The following STAG3 variants were observed in gnomAD, a reference collection of about 807,000 sequenced individuals.
STAG3 encodes the protein cohesin subunit SA-3.
Under a neutral mutation model 160.7 loss-of-function variants are expected in STAG3, and 101 were observed. The observed-to-expected ratio is 0.63, with a 90% confidence interval of 0.54 to 0.74. The LOEUF (loss-of-function observed/expected upper bound fraction) is 0.74. Among genes scored for constraint, STAG3 ranks in the 30% least tolerant of loss-of-function variants. The probability of loss-of-function intolerance (pLI) is 0.00; values close to 1 mark genes in which losing one functional copy is unlikely to be tolerated. For missense variants in STAG3, 1,188 were observed against 1,517.4 expected (o/e 0.78, Z 3.61); for synonymous variants, 519 against 585.0 (o/e 0.89, Z 1.63).
chr7:100,213,753 T>G lies in STAG3; in HGVS notation c.3619T>G (p.Ser1207Ala). Reference sequence around the variant, plus strand: ...TCTCTAGCAAGCAAGTAGCTACTCTTCCACCAGTGAGCGCGGGCTGGACCT... The same window carrying G: ...TCTCTAGCAAGCAAGTAGCTACTCTGCCACCAGTGAGCGCGGGCTGGACCT... ...DTDMQASSYS[S>A]TSERGLDLLD... Residue 1207 changes from serine to alanine, a missense_variant, in exon 33 of 34, where the codon TCC becomes GCC. Coordinates refer to ENST00000615138, the MANE Select transcript of STAG3 (RefSeq NM_001282717.2). The G allele has an allele frequency of 1.9e-6, 3 of 1,614,236 alleles. No homozygotes were observed. Among genetic ancestry groups the G allele is most frequent in the Non-Finnish European group, 2.5e-6 (3 of 1,180,036 alleles).
downstream of STAG3, among the ~76,000 whole-genome samples, chr7:100,216,584 A>G (rs1802769458): frequency 6.6e-6 from 1 of 152,086 alleles, no homozygotes; most frequent in African/African-American, 2.4e-5. Flanking sequence ...GCAGATCACG[A>G]GGTCAAGAGA....
intron 16 of STAG3, 129 bp downstream of exon 16, chr7:100,199,773 G>A (rs926358012): frequency 9.3e-5 from 70 of 753,944 alleles, no homozygotes; most frequent in Non-Finnish European, 1.4e-4. Flanking sequence ...CCAGAAAAAA[G>A]GGCCAGGCGC....
At chr7:100,213,649 A>G in intron 32 of STAG3, 86 bp from the exon 33 acceptor site, 1 of 1,601,910 alleles carries the variant, frequency 6.2e-7, no homozygotes, top group Non-Finnish European at 8.5e-7. Context: ...TGTTCTTATG[A>G]GGCTGGGAAA....
At chr7:100,218,228 A>C, downstream of STAG3, 1 of 161,126 alleles carries the variant, frequency 6.2e-6, no homozygotes, top group East Asian at 2.1e-4. Context: ...TTCAGCTCCT[A>C]TCTCTGTATG....
rs755877186 is a variant in STAG3, at chr7:100,198,499, C to T, written c.1269C>T (p.Asp423=). The T allele has an allele frequency of 6.2e-5, 100 of 1,614,090 alleles. No homozygotes were observed. The highest frequency in any genetic ancestry group is 2.2e-4 in the East Asian group (10 of 44,902). ...ILKNMEGVLT[D]ADCESVYPVV... ...GGAACATGGAAGGGGTGCTGACGGACGCGGATTGTGAGAGCGTCTACCCAG... is the reference window on the plus strand; with the variant it reads ...GGAACATGGAAGGGGTGCTGACGGATGCGGATTGTGAGAGCGTCTACCCAG... The change falls in exon 13 of 34, where the codon GAC becomes GAT. Residue 423 remains aspartate (D), a synonymous_variant. Coordinates refer to ENST00000615138, the MANE Select transcript of STAG3 (RefSeq NM_001282717.2).
At chr7:100,197,723 C>T (rs1047640877) in intron 10 of STAG3, 55 bp from the exon 11 acceptor site, 27 of 1,412,004 alleles carry the variant, frequency 1.9e-5, no homozygotes, top group African/African-American at 8.5e-5. Context: ...TTAGTAGGGG[C>T]GAGTAGAGTG....
rs1016174535 is a variant in STAG3 at position 100,207,112 on chromosome 7, C to T, written c.3238+1728C>T. Reference sequence around the variant, plus strand: ...ACAATATGCCATCGTGTGGATATGCCACATTCTACTTATCCACTTGTCAGT... The same window carrying T: ...ACAATATGCCATCGTGTGGATATGCTACATTCTACTTATCCACTTGTCAGT... On this transcript the variant is annotated intron_variant, in intron 29 of 33. Transcript: ENST00000615138. This position sits in a 1 kb window ranked among gnomAD's most constrained non-coding sequence, Gnocchi z 4.0. 1.3e-5 allele frequency among the ~76,000 whole-genome samples: 2 copies of T among 152,194 alleles called. No homozygotes were observed. The highest frequency in any genetic ancestry group is 2.9e-5 in the Non-Finnish European group (2 of 68,044).
At chr7:100,203,917 A>C in intron 25 of STAG3, 104 bp from the exon 26 acceptor site, 1 of 727,904 alleles carries the variant, frequency 1.4e-6, no homozygotes, top group Middle Eastern at 2.4e-4. Context: ...CATGTTTCCT[A>C]CCTAAGGGAG....
intron 5 of STAG3, among the ~76,000 whole-genome samples, chr7:100,186,797 G>T (rs940898826): frequency 3.3e-5 from 5 of 152,196 alleles, no homozygotes; most frequent in African/African-American, 9.7e-5. Context: ...TAGGGAAAAA[G>T]AAGTAATCAC....
At chr7:100,182,585 G>C in intron 3 of STAG3, 138 bp from the exon 4 acceptor site, 1 of 870,184 alleles carries the variant, frequency 1.1e-6, no homozygotes, top group Non-Finnish European at 1.8e-6. Context: ...AATTATTTCA[G>C]GACTGAGTCT....
intron 8 of STAG3, among the ~76,000 whole-genome samples, chr7:100,191,275 C>T (rs1357760858): frequency 6.6e-6 from 1 of 152,154 alleles, no homozygotes; most frequent in African/African-American, 2.4e-5. Context: ...CAAAATTAGC[C>T]TCAGTTGAGA....
intron 10 of STAG3, 125 bp downstream of exon 10, chr7:100,197,404 C>T (rs1162629137): frequency 3.2e-5 from 43 of 1,351,182 alleles, no homozygotes; most frequent in East Asian, 4.8e-5. Flanking sequence ...CCCATCAAGG[C>T]GCTGAACCTT....
Position 100,210,940 on chromosome 7 carries a change from G to C in STAG3, c.3239-71G>C. On this transcript the variant is annotated intron_variant, in intron 29 of 33. Coordinates refer to ENST00000615138, the MANE Select transcript of STAG3 (RefSeq NM_001282717.2). ...TTGACTTTCCCTTACTAAATCCTGGGCAGGTCTTGGAAAGAGAGCACACCT... is the reference window on the plus strand; with the variant it reads ...TTGACTTTCCCTTACTAAATCCTGGCCAGGTCTTGGAAAGAGAGCACACCT... 3 of 1,490,098 alleles carry C rather than the reference G, an allele frequency of 2.0e-6. No homozygotes were observed. In the South Asian group the frequency reaches 3.8e-5, roughly 19 times the overall value. 92.3% of individuals were successfully genotyped at this position (1,490,098 alleles called of 1,614,324 possible). A position where few individuals can be genotyped will look rare whatever the true frequency, so the allele number is the denominator to read the frequency against.
At chr7:100,178,495 C>T (rs367926497) in intron 1 of STAG3, among the ~76,000 whole-genome samples, 2 of 150,802 alleles carry the variant, frequency 1.3e-5, no homozygotes, top group African/African-American at 4.9e-5. Flanking sequence ...TGTAAGTTCC[C>T]TTGCAGAGGG....
In STAG3 at chr7:100,180,679, A is replaced by C. The variant is rs775297102; in HGVS notation, c.116+7A>C. ...CAAACCATACCTCAGAGGGGTAAGT[A>C]GATGTTGCATTGTGTGGCCACTTCC... On this transcript the variant is annotated splice_region_variant and intron_variant, in intron 2 of 33. Coordinates refer to ENST00000615138, the MANE Select transcript of STAG3 (RefSeq NM_001282717.2). 1 of 1,545,462 alleles carries C rather than the reference A, an allele frequency of 6.5e-7. No homozygotes were observed. The highest frequency in any genetic ancestry group is 9.0e-7 in the Non-Finnish European group (1 of 1,116,978).
Position 100,203,477 on chromosome 7 carries a change from G to T in STAG3, c.2701-544G>T, listed in dbSNP as rs1285167317. Among the ~76,000 whole-genome samples the T allele has an allele frequency of 2.0e-5, 3 of 151,562 alleles. No individual in the cohort carries two copies. The East Asian group carries it at 5.8e-4, about 29-fold the overall frequency. On this transcript the variant is annotated intron_variant, in intron 25 of 33. Transcript: ENST00000615138. ...ATTATAGGCGTGAGCCACCATGCCT[G>T]GCCTGTTTCATTATTTGTTTTTTAT...
At chr7:100,178,662 G>A (rs1799433163) in intron 1 of STAG3, among the ~76,000 whole-genome samples, 1 of 150,370 alleles carries the variant, frequency 6.7e-6, no homozygotes, top group Non-Finnish European at 1.5e-5. Context: ...CTGGACCCAA[G>A]CGATGCTCCC....
chr7:100,201,027 A>T, intron 19 of STAG3, 58 bp downstream of exon 19: 1 of 1,613,980 alleles, frequency 6.2e-7, no homozygotes, highest in Non-Finnish European at 8.5e-7. Context: ...GGGCTGCAAG[A>T]CGGGGGATGT....
downstream of STAG3, among the ~76,000 whole-genome samples, chr7:100,214,573 G>A (rs578038715): frequency 6.6e-5 from 10 of 152,154 alleles, no homozygotes. Flanking sequence ...TTGACTGCCT[G>A]TGAGTAGTTT....
Sources: allele counts gnomAD v4.1 joint callset (sites outside exome capture counted in the v4.1 genomes callset), GRCh38; gene constraint gnomAD v4.1.1; non-coding constraint Gnocchi (gnomAD v3.1); transcripts MANE v1.5; gene names NCBI Gene and HGNC (gene_info 2026-07-23, HGNC 2026-07-21).